The following CREB5 variants were observed in gnomAD, a reference collection of about 807,000 sequenced individuals.
CREB5 encodes the protein cAMP responsive element binding protein 5.
In CREB5, 19 loss-of-function variants were observed where a neutral mutation model predicts 57.1. The ratio of observed to expected loss-of-function variants is 0.33; its 90% CI spans 0.23 to 0.49. The LOEUF (loss-of-function observed/expected upper bound fraction) is 0.49, where lower values mean the gene tolerates loss of function less well. Among genes scored for constraint, CREB5 ranks in the 20% least tolerant of loss-of-function variants. The pLI is 0.99. For synonymous variants in CREB5, 238 were observed against 238.3 expected (o/e 1.00, Z 0.01); for missense variants, 579 against 671.6 (o/e 0.86, Z 1.52).
chr7:28,385,910 A>C (rs1019930501), intron 1 of CREB5, among the ~76,000 whole-genome samples: 3 of 152,074 alleles, frequency 2.0e-5, no homozygotes, highest in African/African-American at 7.2e-5. Flanking sequence ...CGCTGGTAGG[A>C]ATCATGGTCT....
At chr7:28,583,434 C>T (rs541116975) in intron 5 of CREB5, among the ~76,000 whole-genome samples, 62 of 152,064 alleles carry the variant, frequency 4.1e-4, no homozygotes, top group African/African-American at 1.4e-3. Flanking sequence ...TATTTGGATG[C>T]GAGGGAAGAA....
intron 7 of CREB5, among the ~76,000 whole-genome samples, chr7:28,730,522 A>T (rs1428334238): frequency 6.6e-6 from 1 of 152,136 alleles, no homozygotes. Context: ...GAGTGAATAA[A>T]CTGAAAGGTT....
intron 7 of CREB5, among the ~76,000 whole-genome samples, chr7:28,769,422 G>T (rs1218799357): frequency 1.3e-5 from 2 of 152,094 alleles, no homozygotes; most frequent in Non-Finnish European, 2.9e-5. Context: ...ATTACACATT[G>T]TATACATATA....
chr7:28,660,187 G>A (rs143338391), intron 5 of CREB5, among the ~76,000 whole-genome samples: 3,167 of 152,080 alleles, frequency 0.021, 113 homozygotes, highest in African/African-American at 0.072. Flanking sequence ...TAAAAACAAA[G>A]ACAACATTCT....
chr7:28,775,114 A>G (rs1344661331), intron 7 of CREB5, among the ~76,000 whole-genome samples: 2 of 152,218 alleles, frequency 1.3e-5, no homozygotes, highest in African/African-American at 4.8e-5. Flanking sequence ...AAAAATCTAT[A>G]GGAAGCTGAA....
intron 7 of CREB5, among the ~76,000 whole-genome samples, chr7:28,759,741 C>T (rs1562621967): frequency 6.6e-6 from 1 of 152,200 alleles, no homozygotes; most frequent in Non-Finnish European, 1.5e-5. Flanking sequence ...AGGAAGGTCT[C>T]GTGTCATCAC....
intron 3 of CREB5, among the ~76,000 whole-genome samples, chr7:28,503,888 C>T (rs886524815): frequency 6.6e-6 from 1 of 152,070 alleles, no homozygotes; most frequent in African/African-American, 2.4e-5. Context: ...TTCCCTCCCA[C>T]CCCCAGAGCA....
intron 2 of CREB5, among the ~76,000 whole-genome samples, chr7:28,491,747 G>T (rs948338980): frequency 2.0e-5 from 3 of 152,142 alleles, no homozygotes; most frequent in African/African-American, 7.2e-5. Flanking sequence ...GGTCTCCTGG[G>T]TTATTAGAAA....
chr7:28,519,137 G>A (rs775168085), intron 4 of CREB5, among the ~76,000 whole-genome samples: 12 of 152,152 alleles, frequency 7.9e-5, no homozygotes, highest in African/African-American at 1.9e-4. Flanking sequence ...CAATTACACC[G>A]TTGTGACATT....
In CREB5 at chr7:28,461,370, C is replaced by T. The variant is rs144568029; in HGVS notation, c.4-26805C>T. Among the ~76,000 whole-genome samples the T allele has an allele frequency of 1.2e-4, 18 of 152,216 alleles. No homozygotes were observed. The East Asian group carries it at 3.5e-3, about 29-fold the overall frequency. On this transcript the variant is annotated intron_variant, in intron 1 of 10. Transcript: ENST00000357727. ...ATGGAGTGCCTATTATATTAGACAGCCATCAGCAAGACGAGATGTGTTTCC... is the reference window on the plus strand; with the variant it reads ...ATGGAGTGCCTATTATATTAGACAGTCATCAGCAAGACGAGATGTGTTTCC...
chr7:28,780,225 G>A (rs73077895), intron 7 of CREB5, among the ~76,000 whole-genome samples: 4,661 of 152,216 alleles, frequency 0.031, 174 homozygotes, highest in South Asian at 0.17. Flanking sequence ...AATGAGAAGC[G>A]TAGGGGCAGA....
At chr7:28,454,438 C>T (rs1468711501) in intron 1 of CREB5, among the ~76,000 whole-genome samples, 2 of 152,168 alleles carry the variant, frequency 1.3e-5, no homozygotes, top group African/African-American at 4.8e-5. Context: ...CAGCATCTGA[C>T]CTTCTGCTGT....
chr7:28,431,886 T>A (rs1788726543), intron 1 of CREB5, among the ~76,000 whole-genome samples: 2 of 151,932 alleles, frequency 1.3e-5, no homozygotes, highest in Non-Finnish European at 2.9e-5. Context: ...GGGGCCTGGG[T>A]CACTGGAGGT....
chr7:28,578,555 C>T (rs761429562), intron 5 of CREB5, among the ~76,000 whole-genome samples: 8 of 152,136 alleles, frequency 5.3e-5, no homozygotes, highest in South Asian at 2.1e-4. Flanking sequence ...AGTAATAGGG[C>T]GGTGTCCCTG....
At chr7:28,445,034 T>C (rs1789373720) in intron 1 of CREB5, among the ~76,000 whole-genome samples, 1 of 152,160 alleles carries the variant, frequency 6.6e-6, no homozygotes. Flanking sequence ...AATCATGAGG[T>C]TGGGCGTTTC....
At chr7:28,632,916 C>T (rs1406891020) in intron 5 of CREB5, among the ~76,000 whole-genome samples, 1 of 152,164 alleles carries the variant, frequency 6.6e-6, no homozygotes, top group Non-Finnish European at 1.5e-5. Context: ...CTATCCTGTT[C>T]ACCCTGAGTC....
chr7:28,657,717 G>GAAAAAAAAAAAAAA (rs59307921), intron 5 of CREB5, among the ~76,000 whole-genome samples: 3 of 54,028 alleles, frequency 5.6e-5, no homozygotes, highest in African/African-American at 2.0e-4. Context: ...ACTCTCTCTC[G>GAAAAAAAAAAAAAA]AAAAAAAAAA....
intron 4 of CREB5, among the ~76,000 whole-genome samples, chr7:28,560,931 TGTGTGC>T (rs1235178241): frequency 4.1e-5 from 2 of 48,526 alleles, no homozygotes; most frequent in African/African-American, 1.2e-4. Flanking sequence ...TGCGCGTGCG[TGTGTGC>T]GTGCGTGTGT....
chr7:28,766,634 C>T (rs561388142), intron 7 of CREB5, among the ~76,000 whole-genome samples: 18 of 152,306 alleles, frequency 1.2e-4, no homozygotes, highest in South Asian at 6.2e-4. Flanking sequence ...GGAGCACCCA[C>T]GGGCTGGAAT....
Sources: gnomAD v4.1 joint callset for allele counts (sites outside exome capture counted in the v4.1 genomes callset) on GRCh38, gnomAD v4.1.1 for gene constraint, MANE v1.5 for transcripts, NCBI Gene and HGNC (gene_info 2026-07-23, HGNC 2026-07-21) for gene names.